The following PCDHGA7 variants were observed in gnomAD, a reference collection of about 807,000 sequenced individuals.
PCDHGA7 encodes the protein protocadherin gamma-A7.
In PCDHGA7, 44 loss-of-function variants were observed where a neutral mutation model predicts 58.3. The ratio of observed to expected loss-of-function variants is 0.75; its 90% CI spans 0.59 to 0.97. The LOEUF (loss-of-function observed/expected upper bound fraction) is 0.97. PCDHGA7 is among the 50% of genes least tolerant of loss of function. The pLI is 0.00. For synonymous variants in PCDHGA7, 516 were observed against 504.2 expected (o/e 1.02, Z -0.31); for missense variants, 1,266 against 1,188.7 (o/e 1.06, Z -0.96).
At chr5:141,417,602 C>T (rs556223277) in intron 1 of PCDHGA7, 2 of 510,170 alleles carry the variant, frequency 3.9e-6, no homozygotes, top group Admixed American at 3.8e-5. Context: ...TGGGCGCCGC[C>T]GTCGGCCAGT....
intron 1 of PCDHGA7, among the ~76,000 whole-genome samples, chr5:141,466,724 A>G (rs2099128017): frequency 6.6e-6 from 1 of 152,148 alleles, no homozygotes. Flanking sequence ...TTTCCATTTT[A>G]GCAGAATTCA....
chr5:141,415,062 G>C, intron 1 of PCDHGA7: 1 of 1,613,426 alleles, frequency 6.2e-7, no homozygotes, highest in Non-Finnish European at 8.5e-7. Context: ...ACACGGGCGA[G>C]GTGCGCACGG....
intron 1 of PCDHGA7, among the ~76,000 whole-genome samples, chr5:141,448,196 A>G (rs753761675): frequency 1.3e-5 from 2 of 152,176 alleles, no homozygotes; most frequent in Non-Finnish European, 2.9e-5. Context: ...TACACTTACA[A>G]ACATTTTCTG....
At chr5:141,480,525 A>G (rs191522157) in intron 1 of PCDHGA7, among the ~76,000 whole-genome samples, 131 of 152,310 alleles carry the variant, frequency 8.6e-4, no homozygotes, top group African/African-American at 2.6e-3. Context: ...AAAAATGACA[A>G]AGTAGAAGCA....
chr5:141,460,921 T>C (rs984603258), intron 1 of PCDHGA7, among the ~76,000 whole-genome samples: 4 of 151,276 alleles, frequency 2.6e-5, no homozygotes, highest in African/African-American at 9.7e-5. Flanking sequence ...TGTATATATA[T>C]ATATGTGTGT....
chr5:141,473,699 C>T (rs560096812), intron 1 of PCDHGA7, among the ~76,000 whole-genome samples: 2 of 152,244 alleles, frequency 1.3e-5, no homozygotes, highest in South Asian at 2.1e-4. Flanking sequence ...TGACCACCCT[C>T]CAAGTGGTGC....
intron 2 of PCDHGA7, among the ~76,000 whole-genome samples, chr5:141,501,301 ACAC>A (rs1380901086): frequency 6.6e-6 from 1 of 150,882 alleles, no homozygotes; most frequent in African/African-American, 2.4e-5. Context: ...ACACACACAC[ACAC>A]ACACACACAC....
At chr5:141,415,176 C>A in intron 1 of PCDHGA7, 2 of 1,613,934 alleles carry the variant, frequency 1.2e-6, no homozygotes, top group Non-Finnish European at 1.7e-6. Context: ...TCACCGTGGC[C>A]GTGGCCGACA....
At chr5:141,459,165 C>T (rs1418626354) in intron 1 of PCDHGA7, among the ~76,000 whole-genome samples, 2 of 152,130 alleles carry the variant, frequency 1.3e-5, no homozygotes, top group African/African-American at 4.8e-5. Context: ...ATTTCTATAA[C>T]CTTCAAAAGT....
chr5:141,393,650 C>A, intron 1 of PCDHGA7: 1 of 1,613,906 alleles, frequency 6.2e-7, no homozygotes, highest in Non-Finnish European at 8.5e-7. Context: ...AAGTGGCATA[C>A]AAATTCCGGA....
chr5:141,392,081 T>A lies in PCDHGA7; in HGVS notation c.2424+6758T>A, dbSNP rs376097159. 3.3e-5 allele frequency: 5 copies of A among 152,350 alleles called. No individual in the cohort carries two copies. In the East Asian group the frequency reaches 7.7e-4, roughly 23 times the overall value. The allele number at this position is 152,350 out of a possible 1,614,324, so 9.4% of individuals were successfully genotyped here. A position where few individuals can be genotyped will look rare whatever the true frequency, so the allele number is the denominator to read the frequency against. On this transcript the variant is annotated intron_variant, in intron 1 of 3. Coordinates refer to ENST00000518325, the MANE Select transcript of PCDHGA7 (RefSeq NM_018920.4). ...TATCGACATGTAATTCAAGTGGCAT[T>A]TAGAAGAATAATTTAAAAGCAACAA...
chr5:141,417,800 C>T, intron 1 of PCDHGA7: 1 of 1,489,386 alleles, frequency 6.7e-7, no homozygotes. Context: ...TCTTTTAGCG[C>T]GGTAGAGTGC....
intron 1 of PCDHGA7, among the ~76,000 whole-genome samples, chr5:141,481,678 G>A (rs1033213047): frequency 6.6e-6 from 1 of 152,006 alleles, no homozygotes; most frequent in African/African-American, 2.4e-5. Flanking sequence ...ATCAGGCCGG[G>A]CCTGGTGGCT....
At chr5:141,462,235 C>T (rs1389326284) in intron 1 of PCDHGA7, among the ~76,000 whole-genome samples, 1 of 152,206 alleles carries the variant, frequency 6.6e-6, no homozygotes, top group African/African-American at 2.4e-5. Flanking sequence ...GCAGGGATTA[C>T]AGGTATGAGC....
chr5:141,400,594 A>G (rs2150867049), intron 1 of PCDHGA7: 1 of 1,603,498 alleles, frequency 6.2e-7, no homozygotes, highest in Non-Finnish European at 8.5e-7. Context: ...AAACTATCGT[A>G]CATTTTCAAG....
At position 141,485,325 on chromosome 5, in the gene PCDHGA7, A is replaced by T; in HGVS notation, c.2425-9482A>T. 6.2e-7 allele frequency: 1 copy of T among 1,614,078 alleles called. No homozygotes were observed. Among genetic ancestry groups the T allele is most frequent in the Non-Finnish European group, 8.5e-7 (1 of 1,180,014 alleles). ...ACTTTTGTAGGGAATGTCGCTCAAG[A>T]TTTCCTGCTGGATACGGACAGTCTG... is the stretch of plus-strand genomic sequence containing the variant. On this transcript the variant is annotated intron_variant, in intron 1 of 3. Coordinates refer to ENST00000518325, the MANE Select transcript of PCDHGA7 (RefSeq NM_018920.4). This position sits in a 1 kb window ranked among gnomAD's most constrained non-coding sequence, Gnocchi z 5.7.
In PCDHGA7 at chr5:141,432,540, T is replaced by C. The variant is rs147884705; in HGVS notation, c.2424+47217T>C. The C allele has an allele frequency of 1.2e-6, 2 of 1,613,726 alleles. No homozygotes were observed. The highest frequency in any genetic ancestry group is 2.2e-5 in the South Asian group (2 of 91,058). On this transcript the variant is annotated intron_variant, in intron 1 of 3. Transcript: ENST00000518325. The surrounding 1 kb of genome is among the most constrained non-coding windows in gnomAD (Gnocchi z 6.0). ...TACCTGGTGACCAAGGTGGTGGCGG[T>C]GGACAGAGACTCCGGCCAGAACGCC...
chr5:141,393,003 G>A (rs1202314944), intron 1 of PCDHGA7: 1 of 1,613,882 alleles, frequency 6.2e-7, no homozygotes, highest in East Asian at 2.2e-5. Flanking sequence ...GAAGCACGGA[G>A]TCCGTATCGT....
chr5:141,402,760 G>A (rs2094303871), intron 1 of PCDHGA7, among the ~76,000 whole-genome samples: 1 of 152,176 alleles, frequency 6.6e-6, no homozygotes, highest in African/African-American at 2.4e-5. Flanking sequence ...CGAAAATCAG[G>A]ACTCCATCCG....
Sources: gnomAD v4.1 joint callset for allele counts (sites outside exome capture counted in the v4.1 genomes callset) on GRCh38, gnomAD v4.1.1 for gene constraint, Gnocchi (gnomAD v3.1) non-coding constraint, MANE v1.5 for transcripts, NCBI Gene and HGNC (gene_info 2026-07-23, HGNC 2026-07-21) for gene names.